Variants in PUDP observed in about 807,000 individuals in gnomAD.
PUDP encodes the protein pseudouridine 5'-phosphatase.
PUDP carries 8 observed loss-of-function variants against 9.4 expected under a neutral mutation model. That is an observed-to-expected ratio of 0.85 (90% CI 0.50 to 1.53). PUDP has a LOEUF of 1.53. Ranked by LOEUF, PUDP falls within the 40% of genes most tolerant of loss-of-function variation. PUDP has a pLI of 0.00. For missense variants in PUDP, 188 were observed against 189.7 expected (o/e 0.99, Z 0.05); for synonymous variants, 99 against 80.7 (o/e 1.23, Z -1.22).
chrX:7,031,448 C>T (rs1391252107), intron 1 of PUDP, among the ~76,000 whole-genome samples: 1 of 111,686 alleles, frequency 9.0e-6, no homozygotes, highest in Admixed American at 9.5e-5. Flanking sequence ...TGATGATTGT[C>T]CCTAAAGCTT....
chrX:6,717,446 G>A (rs955559517), intron 1 of PUDP, among the ~76,000 whole-genome samples: 4 of 111,443 alleles, frequency 3.6e-5, no homozygotes, highest in African/African-American at 9.8e-5. Flanking sequence ...GTCAGTACCC[G>A]ATACCTGGCC....
At chrX:6,782,582 T>A (rs1245996931) in intron 3 of PUDP, among the ~76,000 whole-genome samples, 1 of 110,043 alleles carries the variant, frequency 9.1e-6, no homozygotes, top group Non-Finnish European at 1.9e-5. Flanking sequence ...AATAAAATAA[T>A]AAAATAAAAT....
chrX:7,058,575 G>A (rs1037992609), intron 3 of PUDP, among the ~76,000 whole-genome samples: 1 of 111,965 alleles, frequency 8.9e-6, no homozygotes, highest in African/African-American at 3.2e-5. Context: ...ATTTTGATTG[G>A]CAGTGCTCAT....
At chrX:6,888,211 T>C (rs1244034486) in intron 3 of PUDP, among the ~76,000 whole-genome samples, 1 of 111,434 alleles carries the variant, frequency 9.0e-6, no homozygotes, top group African/African-American at 3.3e-5. Context: ...ATATGTGTGA[T>C]TAGCAGCGTG....
At position 7,140,899 on chromosome X, in the gene PUDP, T is replaced by C. The variant is rs1474544725; in HGVS notation, c.61+7154A>G. Among the ~76,000 whole-genome samples, 3 of 112,287 alleles carry C rather than the reference T, an allele frequency of 2.7e-5. No homozygotes were observed. The East Asian group carries it at 8.4e-4, about 31-fold the overall frequency. On this transcript the variant is annotated intron_variant, in intron 1 of 3. Coordinates refer to ENST00000381077, the MANE Select transcript of PUDP (RefSeq NM_012080.5). ...TATGTCAAATCGTTTCATTATTACATCTGTTACGTCAATCTGTGATGAGTG... is the reference window on the plus strand; with the variant it reads ...TATGTCAAATCGTTTCATTATTACACCTGTTACGTCAATCTGTGATGAGTG...
At chrX:6,956,785 C>T (rs148087154) in intron 3 of PUDP, among the ~76,000 whole-genome samples, 1,237 of 112,034 alleles carry the variant, frequency 0.011, 10 homozygotes, top group Non-Finnish European at 0.018. Context: ...TTGTCATGGA[C>T]TTTGCAACCA....
chrX:6,976,358 G>T (rs778711437), intron 3 of PUDP, among the ~76,000 whole-genome samples: 1 of 111,986 alleles, frequency 8.9e-6, no homozygotes, highest in Non-Finnish European at 1.9e-5. Flanking sequence ...CTCCTGGTCT[G>T]CGGGTTGCAA....
chrX:6,873,794 A>C, intron 3 of PUDP, among the ~76,000 whole-genome samples: 1 of 112,052 alleles, frequency 8.9e-6, no homozygotes, highest in Non-Finnish European at 1.9e-5. Flanking sequence ...CATTACATCA[A>C]ATTGCATTAT....
At chrX:6,752,901 CAT>C (rs1255192020) in intron 3 of PUDP, among the ~76,000 whole-genome samples, 1 of 111,684 alleles carries the variant, frequency 9.0e-6, no homozygotes, top group East Asian at 2.8e-4. Flanking sequence ...TACATATAAA[CAT>C]ATATATGTGT....
At chrX:7,099,780 A>G (rs1419754016) in intron 2 of PUDP, among the ~76,000 whole-genome samples, 4 of 112,088 alleles carry the variant, frequency 3.6e-5, no homozygotes, top group African/African-American at 1.3e-4. Flanking sequence ...ACCATGATCA[A>G]GCCAAAGATA....
intron 2 of PUDP, chrX:7,085,593 A>C (rs1472539120): frequency 8.9e-6 from 1 of 112,419 alleles, no homozygotes; most frequent in Non-Finnish European, 1.9e-5. Context: ...TCAGGTATTT[A>C]CAAAGGGGTC....
Position 7,095,540 on chromosome X carries a change from A to G in PUDP, c.280+10080T>C, listed in dbSNP as rs781130766. 3.6e-5 allele frequency among the ~76,000 whole-genome samples: 4 copies of G among 112,215 alleles called. No homozygotes were observed. The South Asian group carries it at 1.5e-3, about 42-fold the overall frequency. ...CATCTTAATGAGACTCGAAGCCCCA[A>G]CACCCTGGGTAGATCTAACTGGCAT... On this transcript the variant is annotated intron_variant, in intron 2 of 3. Transcript: ENST00000381077.
At chrX:6,981,453 C>T (rs1929031420) in intron 1 of PUDP, among the ~76,000 whole-genome samples, 1 of 111,285 alleles carries the variant, frequency 9.0e-6, no homozygotes, top group Non-Finnish European at 1.9e-5. Context: ...TTCCCATATT[C>T]TTGAAACAGC....
chrX:6,950,816 C>A (rs765635551), intron 3 of PUDP, among the ~76,000 whole-genome samples: 1 of 112,253 alleles, frequency 8.9e-6, no homozygotes, highest in South Asian at 3.7e-4. Flanking sequence ...CTTAGGAAAG[C>A]AGATGGCCCA....
At chrX:6,868,927 T>A (rs1490851069) in intron 3 of PUDP, among the ~76,000 whole-genome samples, 1 of 112,025 alleles carries the variant, frequency 8.9e-6, no homozygotes, top group African/African-American at 3.2e-5. Flanking sequence ...ACTTTCAACT[T>A]GACAGTGCTA....
chrX:7,147,285 C>G (rs1360529174), intron 1 of PUDP, among the ~76,000 whole-genome samples: 1 of 111,319 alleles, frequency 9.0e-6, no homozygotes, highest in Non-Finnish European at 1.9e-5. Flanking sequence ...AGGTGATGTC[C>G]CCGGTGCTGG....
At chrX:7,031,561 T>C (rs1258834281) in intron 1 of PUDP, among the ~76,000 whole-genome samples, 3 of 112,229 alleles carry the variant, frequency 2.7e-5, no homozygotes, top group Non-Finnish European at 3.8e-5. Context: ...TTAACTTTTG[T>C]TTAACTTTTA....
At chrX:6,976,492 C>T (rs983388916) in intron 3 of PUDP, among the ~76,000 whole-genome samples, 15 of 111,777 alleles carry the variant, frequency 1.3e-4, no homozygotes, top group Non-Finnish European at 2.3e-4. Context: ...GGTGAGGCAA[C>T]GCCCCACCCT....
At chrX:6,907,833 A>C (rs1301539024) in intron 3 of PUDP, among the ~76,000 whole-genome samples, 1 of 111,873 alleles carries the variant, frequency 8.9e-6, no homozygotes, top group Non-Finnish European at 1.9e-5. Context: ...GCTTCCTAAG[A>C]GAAAAAGGCA....
Sources: gnomAD v4.1 joint callset for allele counts (sites outside exome capture counted in the v4.1 genomes callset) on GRCh38, gnomAD v4.1.1 for gene constraint, MANE v1.5 for transcripts, NCBI Gene and HGNC (gene_info 2026-07-23, HGNC 2026-07-21) for gene names.